Variants in PIP5K1A observed in about 807,000 individuals in gnomAD.
The protein encoded by PIP5K1A is phosphatidylinositol 4-phosphate 5-kinase type-1 alpha.
In PIP5K1A, 46 loss-of-function variants were observed where a neutral mutation model predicts 72.9. The ratio of observed to expected loss-of-function variants is 0.63; its 90% confidence interval spans 0.50 to 0.81. The LOEUF (loss-of-function observed/expected upper bound fraction) is 0.81. PIP5K1A is among the 30% of genes least tolerant of loss of function. The pLI is 0.00. For synonymous variants in PIP5K1A, 228 were observed against 255.1 expected, an observed-to-expected ratio of 0.89 and a Z score of 1.01; for missense variants, 458 against 706.1, an observed-to-expected ratio of 0.65 and a Z score of 3.98.
Position 151,236,648 on chromosome 1 carries a change from A to G in PIP5K1A, c.1030A>G (p.Thr344Ala), listed in dbSNP as rs2102718220. The change falls in exon 9 of 16, where the codon ACA becomes GCA. Residue 344 changes from threonine (T) to alanine (A), a missense_variant. Around this residue, in one of 3 missense-constraint regions of PIP5K1A, gnomAD observed 220 missense variants for 442.6 expected, o/e 0.50. Transcript: ENST00000368888. Reference protein sequence around the residue: ...HAQREPLSSETQYSVDTRRPA... With the variant: ...HAQREPLSSEAQYSVDTRRPA... Reference sequence around the variant, plus strand: ...ACAACGAGAGCCCTTAAGCAGTGAAACACAGTACTCAGTTGATACTCGAAG... The same window carrying G: ...ACAACGAGAGCCCTTAAGCAGTGAAGCACAGTACTCAGTTGATACTCGAAG... 1 of 1,613,640 alleles carries G rather than the reference A, an allele frequency of 6.2e-7. No homozygotes were observed. Among genetic ancestry groups the G allele is most frequent in the Non-Finnish European group, 8.5e-7 (1 of 1,179,730 alleles).
At chr1:151,226,090 C>CTT (rs1271678597) in intron 3 of PIP5K1A, among the ~76,000 whole-genome samples, 3 of 119,418 alleles carry the variant, frequency 2.5e-5, no homozygotes, top group East Asian at 2.5e-4. Flanking sequence ...TGTTTCTTTT[C>CTT]TTTTTTTTTT....
intron 1 of PIP5K1A, among the ~76,000 whole-genome samples, chr1:151,209,955 C>T (rs1686557394): frequency 6.6e-6 from 1 of 152,036 alleles, no homozygotes; most frequent in Non-Finnish European, 1.5e-5. Context: ...GCAATCTTAG[C>T]TCACTGCAAT....
At chr1:151,221,596 A>C (rs1318347574) in intron 1 of PIP5K1A, among the ~76,000 whole-genome samples, 2 of 152,166 alleles carry the variant, frequency 1.3e-5, no homozygotes, top group Admixed American at 1.3e-4. Context: ...TCTTCTAGGG[A>C]AGAGTACATT....
chr1:151,201,272 C>T (rs905249278), intron 1 of PIP5K1A, among the ~76,000 whole-genome samples: 1 of 152,128 alleles, frequency 6.6e-6, no homozygotes, highest in Admixed American at 6.6e-5. Context: ...GCTTTGTACT[C>T]TTTGGTATTT....
At chr1:151,228,452 C>G (rs1689485485) in intron 4 of PIP5K1A, among the ~76,000 whole-genome samples, 1 of 152,174 alleles carries the variant, frequency 6.6e-6, no homozygotes, top group South Asian at 2.1e-4. Flanking sequence ...GTCTCACCCC[C>G]TTTTCCTCCA....
chr1:151,204,389 C>T (rs1036429459), intron 1 of PIP5K1A, among the ~76,000 whole-genome samples: 3 of 152,048 alleles, frequency 2.0e-5, no homozygotes, highest in Non-Finnish European at 4.4e-5. Context: ...GTTGGCCAGG[C>T]TAGTCTCAAA....
Position 151,234,445 on chromosome 1 carries a change from G to A in PIP5K1A, c.888G>A (p.Leu296=). 6.2e-7 allele frequency: 1 copy of A among 1,613,770 alleles called. No individual in the cohort carries two copies. The highest frequency in any genetic ancestry group is 8.5e-7 in the Non-Finnish European group (1 of 1,179,858). Reference sequence around the variant, plus strand: ...AAGACATCCCTGATGGTCTTTTTTTGGATGCTGACATGTACAACGCTCTCT... The same window carrying A: ...AAGACATCCCTGATGGTCTTTTTTTAGATGCTGACATGTACAACGCTCTCT... The part of the protein sequence containing the change: ...FLQDIPDGLF[L]DADMYNALCK... Residue 296 remains leucine, a synonymous_variant, in exon 8 of 16, where the codon TTG becomes TTA. Transcript: ENST00000368888.
upstream of PIP5K1A, among the ~76,000 whole-genome samples, chr1:151,195,537 G>A (rs1684536821): frequency 6.6e-6 from 1 of 151,976 alleles, no homozygotes; most frequent in African/African-American, 2.4e-5. Flanking sequence ...GGGACTGAGT[G>A]GGAGTTGGTG....
intron 3 of PIP5K1A, among the ~76,000 whole-genome samples, chr1:151,224,717 A>T (rs1688860568): frequency 6.6e-6 from 1 of 152,164 alleles, no homozygotes; most frequent in South Asian, 2.1e-4. Context: ...TTTTGCTGTT[A>T]TGGCCTCCTG....
At chr1:151,205,734 G>T (rs587674374) in intron 1 of PIP5K1A, among the ~76,000 whole-genome samples, 8 of 152,166 alleles carry the variant, frequency 5.3e-5, no homozygotes, top group African/African-American at 1.9e-4. Flanking sequence ...GGAGGCGGAG[G>T]TTGCAGTGAG....
At chr1:151,221,932 G>C (rs984652924) in intron 1 of PIP5K1A, among the ~76,000 whole-genome samples, 1 of 151,800 alleles carries the variant, frequency 6.6e-6, no homozygotes, top group African/African-American at 2.4e-5. Context: ...AGCAAAAAAA[G>C]CAAAATCAGC....
In PIP5K1A at chr1:151,225,345, C is replaced by T. The variant is rs139271966; in HGVS notation, c.156+939C>T. On this transcript the variant is annotated intron_variant, in intron 3 of 15. Coordinates refer to ENST00000368888, the MANE Select transcript of PIP5K1A (RefSeq NM_001135638.2). ...TGATACCCTGTTTCCACTAGTCTCTCAGCCTTCTGGCTTATAAACTTAATG... is the reference window on the plus strand; with the variant it reads ...TGATACCCTGTTTCCACTAGTCTCTTAGCCTTCTGGCTTATAAACTTAATG... Among the ~76,000 whole-genome samples, 19 of 152,276 alleles carry T rather than the reference C, an allele frequency of 1.2e-4. No individual in the cohort carries two copies. The East Asian group carries it at 3.7e-3, about 29-fold the overall frequency.
chr1:151,196,550 AT>A (rs5777766), upstream of PIP5K1A, among the ~76,000 whole-genome samples: 286 of 114,732 alleles, frequency 2.5e-3, no homozygotes, highest in African/African-American at 6.0e-3. Flanking sequence ...ATGCATGGGG[AT>A]TTTTTTTTTT....
At chr1:151,242,692 A>G (rs1691931400) in intron 14 of PIP5K1A, 125 bp downstream of exon 14, 1 of 853,242 alleles carries the variant, frequency 1.2e-6, no homozygotes, top group South Asian at 1.7e-5. Context: ...TAACAAACAT[A>G]TATCATACTT....
chr1:151,216,019 T>C (rs1284770444), intron 1 of PIP5K1A: 1 of 1,266,178 alleles, frequency 7.9e-7, no homozygotes, highest in Admixed American at 2.3e-5. Context: ...GATGTGTATC[T>C]GTGCTAAAGA....
Position 151,249,047 on chromosome 1 carries a change from CCT to C in PIP5K1A, c.*1186_*1187del, listed in dbSNP as rs754496856. On this transcript the variant is annotated 3_prime_UTR_variant, in exon 16 of 16. Coordinates refer to ENST00000368888, the MANE Select transcript of PIP5K1A (RefSeq NM_001135638.2). Reference sequence around the variant, plus strand: ...AGTTGGAAATGGGGGCTACATATGCCCTCTCCTCCCCGTCTACAAGAGTTGTG... The same window carrying C: ...AGTTGGAAATGGGGGCTACATATGCCCTCCTCCCCGTCTACAAGAGTTGTG... 6.6e-6 allele frequency: 1 copy of C among 152,118 alleles called. No homozygotes were observed. The highest frequency in any genetic ancestry group is 1.5e-5 in the Non-Finnish European group (1 of 68,030). The allele number at this position is 152,118 out of a possible 1,614,324, so 9.4% of individuals were successfully genotyped here.
chr1:151,196,056 C>T (rs58323986), upstream of PIP5K1A, among the ~76,000 whole-genome samples: 3 of 151,284 alleles, frequency 2.0e-5, no homozygotes, highest in East Asian at 6.0e-4. Flanking sequence ...GGCCAACTCA[C>T]CCGGCTAATT....
chr1:151,243,062 T>G (rs1322584931), intron 14 of PIP5K1A, among the ~76,000 whole-genome samples: 1 of 152,198 alleles, frequency 6.6e-6, no homozygotes, highest in Non-Finnish European at 1.5e-5. Flanking sequence ...GAATTGACAT[T>G]CTACTTGTGC....
chr1:151,241,784 G>A (rs1453854989), intron 12 of PIP5K1A, among the ~76,000 whole-genome samples: 1 of 145,046 alleles, frequency 6.9e-6, no homozygotes, highest in Non-Finnish European at 1.5e-5. Context: ...TGGGCAACAA[G>A]AGCGAAACTC....
Sources: allele counts gnomAD v4.1 joint callset (sites outside exome capture counted in the v4.1 genomes callset), GRCh38; gene constraint gnomAD v4.1.1; regional missense constraint gnomAD v4.1.1; transcripts MANE v1.5; gene names NCBI Gene and HGNC (gene_info 2026-07-23, HGNC 2026-07-21).